Variants in CELF2 observed in about 807,000 individuals in gnomAD.
CELF2 encodes CUGBP Elav-like family member 2, also known as CUG triplet repeat RNA-binding protein 2.
Under a neutral mutation model 62.6 loss-of-function variants are expected in CELF2, and 8 were observed. The ratio of observed to expected loss-of-function variants is 0.13; its 90% CI spans 0.07 to 0.23. The LOEUF (loss-of-function observed/expected upper bound fraction) is 0.23. Ranked by LOEUF, CELF2 falls within the 10% of genes least tolerant of loss-of-function variation. CELF2 has a pLI of 1.00. For missense variants in CELF2, 333 were observed against 671.0 expected (o/e 0.50, Z 5.56); for synonymous variants, 258 against 250.0 (o/e 1.03, Z -0.30).
At chr10:10,908,495 C>T (rs775405364) in intron 1 of CELF2, among the ~76,000 whole-genome samples, 168 of 152,106 alleles carry the variant, frequency 1.1e-3, no homozygotes, top group Middle Eastern at 3.4e-3. Context: ...GCTAGGATTA[C>T]AGGCATGAGC....
the CELF2 span, among the ~76,000 whole-genome samples, chr10:10,714,518 A>G: frequency 6.6e-6 from 1 of 152,206 alleles, no homozygotes; most frequent in Non-Finnish European, 1.5e-5. Context: ...ACTACCTTGC[A>G]TCTTTCCACA....
chr10:10,655,785 G>A, the CELF2 span, among the ~76,000 whole-genome samples: 1 of 134,734 alleles, frequency 7.4e-6, no homozygotes, highest in Non-Finnish European at 1.6e-5. Flanking sequence ...GAAAACCTAG[G>A]CATTACCATT....
chr10:10,611,056 T>A, the CELF2 span, among the ~76,000 whole-genome samples: 3 of 152,160 alleles, frequency 2.0e-5, no homozygotes, highest in Non-Finnish European at 4.4e-5. Context: ...ATGACCCAAC[T>A]ATGATGTGAG....
chr10:10,910,242 G>A (rs921784642), intron 1 of CELF2, among the ~76,000 whole-genome samples: 2 of 152,088 alleles, frequency 1.3e-5, no homozygotes, highest in African/African-American at 4.8e-5. Flanking sequence ...AAGAAGCCAC[G>A]TATGAATTGC....
chr10:10,466,044 T>C, the CELF2 span, among the ~76,000 whole-genome samples: 2 of 152,150 alleles, frequency 1.3e-5, no homozygotes, highest in African/African-American at 4.8e-5. Flanking sequence ...GAAACAAGAA[T>C]GTCTTTCTCC....
intron 1 of CELF2, among the ~76,000 whole-genome samples, chr10:11,020,408 C>T (rs1351998780): frequency 6.6e-6 from 1 of 152,154 alleles, no homozygotes; most frequent in Non-Finnish European, 1.5e-5. Flanking sequence ...ACATTAAATA[C>T]TGTATCTGGG....
the CELF2 span, among the ~76,000 whole-genome samples, chr10:10,703,370 C>T: frequency 6.6e-6 from 1 of 152,210 alleles, no homozygotes; most frequent in South Asian, 2.1e-4. Flanking sequence ...TTCCAGGGCA[C>T]AGGTTTCTAC....
the CELF2 span, among the ~76,000 whole-genome samples, chr10:10,487,580 T>A: frequency 6.6e-6 from 1 of 152,090 alleles, no homozygotes; most frequent in Non-Finnish European, 1.5e-5. Flanking sequence ...ATATCGCCTG[T>A]GAAAAGAAAA....
chr10:10,625,981 G>C, the CELF2 span, among the ~76,000 whole-genome samples: 1 of 151,878 alleles, frequency 6.6e-6, no homozygotes, highest in Non-Finnish European at 1.5e-5. Flanking sequence ...GTGCAGTGGA[G>C]TATAACAACC....
rs145537577 is a variant in CELF2, at chr10:11,180,972, C to T, written c.271+15290C>T. On this transcript the variant is annotated intron_variant, in intron 2 of 12. Transcript: ENST00000633077. ...GCAAGTTCTGCCTCCCAGGTTCAAG[C>T]GATTCTCCTGCCTCAGCTTCCCTAA... is the stretch of plus-strand genomic sequence containing the variant. Among the ~76,000 whole-genome samples, 1,295 of 152,256 alleles carry T rather than the reference C, an allele frequency of 8.5e-3. 20 individuals carry two copies. The highest frequency in any genetic ancestry group is 0.029 in the African/African-American group (1,219 of 41,524).
intron 2 of CELF2, chr10:10,920,040 A>T: frequency 8.3e-7 from 1 of 1,204,496 alleles, no homozygotes; most frequent in Non-Finnish European, 1.0e-6. Context: ...CCGATTTCTT[A>T]TATCCACAAA....
In CELF2 at chr10:11,315,210, T is replaced by G. The variant is rs892583710; in HGVS notation, c.1096+952T>G. ...TGTCCCTCCGTTTCAGATCCCCTGG[T>G]TGCCTGAGAGTAGCCAAGCCCAGCA... On this transcript the variant is annotated intron_variant, in intron 10 of 12. Coordinates refer to ENST00000633077, the MANE Select transcript of CELF2 (RefSeq NM_001326342.2). This position sits in a 1 kb window ranked among gnomAD's most constrained non-coding sequence, Gnocchi z 5.8. 2.0e-5 allele frequency among the ~76,000 whole-genome samples: 3 copies of G among 152,150 alleles called. No individual in the cohort carries two copies. The highest frequency in any genetic ancestry group is 7.2e-5 in the African/African-American group (3 of 41,424).
rs1250258492 is a variant in CELF2, at chr10:11,296,999, C to T, written c.976+8447C>T. Among the ~76,000 whole-genome samples, 1 of 152,194 alleles carries T rather than the reference C, an allele frequency of 6.6e-6. No homozygotes were observed. The highest frequency in any genetic ancestry group is 1.5e-5 in the Non-Finnish European group (1 of 68,026). On this transcript the variant is annotated intron_variant, in intron 9 of 12. Coordinates refer to ENST00000633077, the MANE Select transcript of CELF2 (RefSeq NM_001326342.2). This position sits in a 1 kb window ranked among gnomAD's most constrained non-coding sequence, Gnocchi z 5.0. ...CCGGGGCTCAGGAGCTGGGACTTTTCCTGTCAGCAGTGAAGAGCTATTCAG... is the reference window on the plus strand; with the variant it reads ...CCGGGGCTCAGGAGCTGGGACTTTTTCTGTCAGCAGTGAAGAGCTATTCAG...
chr10:10,465,236 A>C, the CELF2 span, among the ~76,000 whole-genome samples: 4 of 152,152 alleles, frequency 2.6e-5, no homozygotes, highest in Admixed American at 1.3e-4. Context: ...ACTATGTGAC[A>C]GGAAGTATAT....
At chr10:10,880,104 C>A (rs2061354815) in intron 1 of CELF2, among the ~76,000 whole-genome samples, 1 of 152,138 alleles carries the variant, frequency 6.6e-6, no homozygotes, top group Non-Finnish European at 1.5e-5. Flanking sequence ...GAGCATAAAT[C>A]GTAAGTCTAG....
intron 1 of CELF2, among the ~76,000 whole-genome samples, chr10:11,138,256 A>G (rs2132115661): frequency 6.6e-6 from 1 of 152,336 alleles, no homozygotes; most frequent in Middle Eastern, 3.4e-3. Context: ...AGATGTTTAC[A>G]TATTAAATAT....
At chr10:10,619,426 A>G in the CELF2 span, among the ~76,000 whole-genome samples, 26 of 152,382 alleles carry the variant, frequency 1.7e-4, no homozygotes, top group African/African-American at 6.0e-4. Context: ...GTGTAGAAAT[A>G]GAACATAGAA....
chr10:11,076,847 C>T (rs755182259), intron 1 of CELF2, among the ~76,000 whole-genome samples: 4 of 152,138 alleles, frequency 2.6e-5, no homozygotes, highest in Admixed American at 6.6e-5. Context: ...TAATTTCAGG[C>T]TTACAGGGGA....
At chr10:11,152,746 T>G (rs955420994) in intron 1 of CELF2, among the ~76,000 whole-genome samples, 1 of 152,228 alleles carries the variant, frequency 6.6e-6, no homozygotes, top group South Asian at 2.1e-4. Context: ...GTCTTCAGAA[T>G]GCATCAAACT....
Sources: gnomAD v4.1 joint callset for allele counts (sites outside exome capture counted in the v4.1 genomes callset) on GRCh38, gnomAD v4.1.1 for gene constraint, Gnocchi (gnomAD v3.1) non-coding constraint, MANE v1.5 for transcripts, NCBI Gene and HGNC (gene_info 2026-07-23, HGNC 2026-07-21) for gene names.